SOX6: variants seen among roughly 807,000 people sequenced by gnomAD.
The protein encoded by SOX6 is transcription factor SOX-6.
A neutral mutation model predicts 97.8 loss-of-function variants in SOX6; 11 were observed. The ratio of observed to expected loss-of-function variants is 0.11; its 90% confidence interval spans 0.07 to 0.19. The LOEUF is 0.19. Among genes scored for constraint, SOX6 ranks in the 10% least tolerant of loss-of-function variants. SOX6 has a pLI of 1.00. For synonymous variants in SOX6, 360 were observed against 371.4 expected (o/e 0.97, Z 0.35); for missense variants, 810 against 1,039.5 (o/e 0.78, Z 3.04).
At chr11:16,564,101 T>A (rs1468545113) in intron 4 of SOX6, among the ~76,000 whole-genome samples, 1 of 151,734 alleles carries the variant, frequency 6.6e-6, no homozygotes, top group South Asian at 2.1e-4. Context: ...CTAAAAAAAA[T>A]GACTAAAGGA....
intron 6 of SOX6, among the ~76,000 whole-genome samples, chr11:16,133,756 T>C (rs1849882898): frequency 6.6e-6 from 1 of 152,226 alleles, no homozygotes; most frequent in African/African-American, 2.4e-5. Flanking sequence ...TGGTGTGATC[T>C]TGGCTCATTG....
rs79125632 is a variant in SOX6 at position 16,049,681 on chromosome 11, A to G, written c.1435+74T>C. ...AAGGAGCACTTTGGAAACAAGTATCAGTCGTAACTAAACAGGTTTGCTTTC... is the reference window on the plus strand; with the variant it reads ...AAGGAGCACTTTGGAAACAAGTATCGGTCGTAACTAAACAGGTTTGCTTTC... On this transcript the variant is annotated intron_variant, in intron 11 of 15. Coordinates refer to ENST00000683767, the MANE Select transcript of SOX6 (RefSeq NM_001367873.1). 3,480 of 1,535,832 alleles carry G rather than the reference A, an allele frequency of 2.3e-3. 96 individuals carry two copies. The East Asian group carries it at 0.066, about 29-fold the overall frequency.
At chr11:16,396,992 A>G (rs1858377829) in intron 1 of SOX6, among the ~76,000 whole-genome samples, 1 of 151,378 alleles carries the variant, frequency 6.6e-6, no homozygotes, top group Admixed American at 6.6e-5. Flanking sequence ...AACCTATAAC[A>G]GTTTTTGTTA....
At chr11:16,176,305 G>T (rs546756143) in intron 6 of SOX6, among the ~76,000 whole-genome samples, 1 of 151,672 alleles carries the variant, frequency 6.6e-6, no homozygotes, top group Non-Finnish European at 1.5e-5. Context: ...AAAATCTTTG[G>T]GATAGGCATC....
At chr11:16,461,837 A>AT (rs1395246440) in intron 1 of SOX6, among the ~76,000 whole-genome samples, 1 of 152,148 alleles carries the variant, frequency 6.6e-6, no homozygotes, top group Non-Finnish European at 1.5e-5. Flanking sequence ...TTTAATTAGC[A>AT]TTTTCCTTCT....
chr11:16,553,094 C>T (rs1196569935), intron 4 of SOX6, among the ~76,000 whole-genome samples: 1 of 152,124 alleles, frequency 6.6e-6, no homozygotes, highest in African/African-American at 2.4e-5. Context: ...AAGAATTTAT[C>T]ATCTAAAACA....
At chr11:16,352,074 TTAAAA>T (rs1223107351) in intron 1 of SOX6, among the ~76,000 whole-genome samples, 5 of 152,042 alleles carry the variant, frequency 3.3e-5, no homozygotes, top group Non-Finnish European at 5.9e-5. Context: ...GAAAAAGGAC[TTAAAA>T]TAAACTGGTT....
intron 4 of SOX6, among the ~76,000 whole-genome samples, chr11:16,511,222 C>T (rs1171810984): frequency 1.3e-5 from 2 of 152,036 alleles, no homozygotes; most frequent in Non-Finnish European, 2.9e-5. Flanking sequence ...TCTTCTGTTT[C>T]AAAAGCACAT....
chr11:16,328,274 C>CTT (rs1856164337), intron 2 of SOX6, among the ~76,000 whole-genome samples: 1 of 152,160 alleles, frequency 6.6e-6, no homozygotes, highest in African/African-American at 2.4e-5. Flanking sequence ...TATTCTCCTT[C>CTT]ATTAAAAATG....
chr11:16,665,474 A>T (rs1301514280), intron 3 of SOX6, among the ~76,000 whole-genome samples: 1 of 152,174 alleles, frequency 6.6e-6, no homozygotes, highest in African/African-American at 2.4e-5. Context: ...GGGGGAAAAC[A>T]GTGGGAAGGA....
intron 13 of SOX6, among the ~76,000 whole-genome samples, chr11:16,005,890 C>A (rs1437583691): frequency 1.3e-5 from 2 of 151,912 alleles, no homozygotes; most frequent in African/African-American, 2.4e-5. Flanking sequence ...TCTTACATAA[C>A]TTTTCCCCTC....
chr11:16,542,401 C>T (rs1264465895), intron 4 of SOX6, among the ~76,000 whole-genome samples: 1 of 152,156 alleles, frequency 6.6e-6, no homozygotes, highest in Non-Finnish European at 1.5e-5. Flanking sequence ...CAACATAGCA[C>T]ATGTATACCT....
At chr11:16,161,723 T>C (rs1016310875) in intron 6 of SOX6, among the ~76,000 whole-genome samples, 34 of 152,176 alleles carry the variant, frequency 2.2e-4, no homozygotes, top group African/African-American at 7.7e-4. Flanking sequence ...TTTTTTCTTC[T>C]GTCCTTTGAC....
intron 3 of SOX6, among the ~76,000 whole-genome samples, chr11:16,255,691 A>T (rs779556452): frequency 6.6e-6 from 1 of 152,042 alleles, no homozygotes. Context: ...GAGCAAATTG[A>T]GTACAAAGTA....
intron 3 of SOX6, among the ~76,000 whole-genome samples, chr11:16,629,487 T>G (rs1382611975): frequency 6.6e-6 from 1 of 152,178 alleles, no homozygotes; most frequent in Non-Finnish European, 1.5e-5. Context: ...ACTGTTGGGT[T>G]TGGTTTGCTA....
chr11:16,460,815 T>A (rs1859909779), intron 1 of SOX6, among the ~76,000 whole-genome samples: 1 of 152,072 alleles, frequency 6.6e-6, no homozygotes, highest in African/African-American at 2.4e-5. Flanking sequence ...AGCCACCTGA[T>A]GAAAAAGCCA....
chr11:16,458,471 C>A (rs1010356139), intron 1 of SOX6, among the ~76,000 whole-genome samples: 4 of 151,868 alleles, frequency 2.6e-5, no homozygotes, highest in African/African-American at 7.3e-5. Context: ...AAAGAATAAG[C>A]AATCACTTGG....
chr11:16,242,244 C>T (rs1853216996), intron 3 of SOX6, among the ~76,000 whole-genome samples: 1 of 151,962 alleles, frequency 6.6e-6, no homozygotes, highest in Non-Finnish European at 1.5e-5. Context: ...TTTAGATCCA[C>T]AATTATTTAT....
intron 6 of SOX6, among the ~76,000 whole-genome samples, chr11:16,178,111 A>G (rs1010188712): frequency 1.4e-4 from 22 of 152,104 alleles, no homozygotes; most frequent in African/African-American, 4.8e-4. Context: ...ACAGGTAACT[A>G]GCTGATTCCA....
Sources: gnomAD v4.1 joint callset for allele counts (sites outside exome capture counted in the v4.1 genomes callset) on GRCh38, gnomAD v4.1.1 for gene constraint, MANE v1.5 for transcripts, NCBI Gene and HGNC (gene_info 2026-07-23, HGNC 2026-07-21) for gene names.